PLCH1: variants seen among roughly 807,000 people sequenced by gnomAD.
PLCH1 encodes 1-phosphatidylinositol 4,5-bisphosphate phosphodiesterase eta-1.
In PLCH1, 60 loss-of-function variants were observed where a neutral mutation model predicts 126.7. The observed-to-expected ratio is 0.47, with a 90% confidence interval of 0.38 to 0.59. The LOEUF is 0.59. PLCH1 is among the 20% of genes least tolerant of loss of function. The pLI, the probability that PLCH1 is intolerant of heterozygous loss-of-function variation, is 0.00. For missense variants in PLCH1, 1,723 were observed against 2,040.0 expected (o/e 0.84, Z 2.99); for synonymous variants, 719 against 734.9 (o/e 0.98, Z 0.35).
intron 10 of PLCH1, among the ~76,000 whole-genome samples, chr3:155,547,551 A>G (rs1725522497): frequency 1.3e-5 from 2 of 151,884 alleles, no homozygotes; most frequent in Admixed American, 1.3e-4. Flanking sequence ...TATATACCCA[A>G]ACGACTATAA....
At chr3:155,723,061 G>A (rs534224028) in intron 1 of PLCH1, among the ~76,000 whole-genome samples, 1 of 151,480 alleles carries the variant, frequency 6.6e-6, no homozygotes, top group African/African-American at 2.4e-5. Context: ...GGATTGTATA[G>A]TTCCAGGAAT....
At chr3:155,658,453 G>C (rs1741700888) in intron 2 of PLCH1, 1 of 159,842 alleles carries the variant, frequency 6.3e-6, no homozygotes, top group South Asian at 1.8e-4. Flanking sequence ...CCAGACACGG[G>C]AAGGTGAGAT....
intron 2 of PLCH1, among the ~76,000 whole-genome samples, chr3:155,634,177 C>T (rs1228018849): frequency 6.6e-6 from 1 of 152,100 alleles, no homozygotes; most frequent in Non-Finnish European, 1.5e-5. Flanking sequence ...CTAATTTCTT[C>T]AAGTCAAAAC....
At chr3:155,577,335 T>A (rs918740758) in intron 6 of PLCH1, among the ~76,000 whole-genome samples, 1 of 152,192 alleles carries the variant, frequency 6.6e-6, no homozygotes, top group Non-Finnish European at 1.5e-5. Context: ...TTTATTGACT[T>A]TGTATGATTT....
chr3:155,470,684 G>A (rs904005172), intron 21 of PLCH1, among the ~76,000 whole-genome samples: 357 of 152,018 alleles, frequency 2.3e-3, no homozygotes, highest in African/African-American at 7.7e-3. Context: ...GAGAAAGGTC[G>A]GGTTACCCTC....
intron 2 of PLCH1, among the ~76,000 whole-genome samples, chr3:155,699,198 C>T (rs1746078051): frequency 6.6e-6 from 1 of 151,950 alleles, no homozygotes; most frequent in African/African-American, 2.4e-5. Context: ...GCCTCAGCCT[C>T]CCAAGTAGCT....
intron 1 of PLCH1, chr3:155,743,826 CT>C: frequency 9.2e-6 from 2 of 217,728 alleles, no homozygotes; most frequent in South Asian, 1.1e-4. Context: ...CAGATTTGTT[CT>C]TGTAACGCTC....
intron 2 of PLCH1, among the ~76,000 whole-genome samples, chr3:155,632,381 G>A (rs1416881147): frequency 1.3e-5 from 2 of 152,140 alleles, no homozygotes; most frequent in Non-Finnish European, 2.9e-5. Flanking sequence ...GAATTATTCA[G>A]GGAAACCAAA....
At chr3:155,605,009 C>A (rs1577119488) in intron 2 of PLCH1, among the ~76,000 whole-genome samples, 1 of 152,202 alleles carries the variant, frequency 6.6e-6, no homozygotes, top group South Asian at 2.1e-4. Flanking sequence ...CTGGATAAAA[C>A]GCAGGTCTAG....
At chr3:155,626,801 G>GAAAAAAAAAAAAAAAAAAA (rs1737355762) in intron 2 of PLCH1, among the ~76,000 whole-genome samples, 1 of 126,410 alleles carries the variant, frequency 7.9e-6, no homozygotes. Context: ...AAAAAAAAAG[G>GAAAAAAAAAAAAAAAAAAA]AAAAAGATGA....
intron 21 of PLCH1, among the ~76,000 whole-genome samples, chr3:155,451,157 G>C (rs577106064): frequency 2.0e-5 from 3 of 151,962 alleles, no homozygotes; most frequent in Non-Finnish European, 4.4e-5. Context: ...AAATAAATAA[G>C]AGAATTCAAA....
At position 155,481,336 on chromosome 3, in the gene PLCH1, G is replaced by A. The variant is rs374951144; in HGVS notation, c.4690C>T (p.Arg1564Trp). ...GATGACAACTTCCTGACCAGTGCCC[G>A]GGGGAGCTGATTGGCATCCTGCTTT... ...YSKQDANQLPRALVRKLSSRS... is the reference protein window; with the variant it reads ...YSKQDANQLPWALVRKLSSRS... The change falls in exon 23 of 23, where the codon CGG (arginine) becomes TGG (tryptophan). Residue 1564 changes from arginine to tryptophan, a missense_variant. Arg to Trp is a moderately radical substitution (Grantham distance 101). Transcript: ENST00000460012. This position sits in a 1 kb window ranked among gnomAD's most constrained non-coding sequence, Gnocchi z 4.2. The A allele has an allele frequency of 3.2e-5, 52 of 1,614,046 alleles. No individual in the cohort carries two copies. The highest frequency in any genetic ancestry group is 8.0e-5 in the African/African-American group (6 of 74,926).
chr3:155,588,929 T>A (rs984724029), intron 4 of PLCH1, among the ~76,000 whole-genome samples: 1 of 152,198 alleles, frequency 6.6e-6, no homozygotes, highest in Non-Finnish European at 1.5e-5. Flanking sequence ...TTCTTTCCAG[T>A]AACGGTCCAC....
Position 155,581,930 on chromosome 3 carries a change from G to A in PLCH1, c.771+1542C>T, listed in dbSNP as rs572818133. On this transcript the variant is annotated intron_variant, in intron 6 of 22. Coordinates refer to ENST00000460012, the MANE Select transcript of PLCH1 (RefSeq NM_014996.4). Reference sequence around the variant, plus strand: ...ACACCTGGCTAATTTTGTATTTTTAGTAGAGACCGGGTTTCTCCATGTTGG... The same window carrying A: ...ACACCTGGCTAATTTTGTATTTTTAATAGAGACCGGGTTTCTCCATGTTGG... 7.9e-5 allele frequency among the ~76,000 whole-genome samples: 12 copies of A among 151,444 alleles called. No individual in the cohort carries two copies. In the East Asian group the frequency reaches 2.3e-3, roughly 29 times the overall value.
chr3:155,719,160 C>T (rs1251559471), intron 1 of PLCH1, among the ~76,000 whole-genome samples: 3 of 152,176 alleles, frequency 2.0e-5, no homozygotes, highest in East Asian at 3.9e-4. Context: ...TTTTATCCCT[C>T]ACCCTCCTTC....
At chr3:155,565,192 G>A (rs1438948022) in intron 7 of PLCH1, 74 bp from the exon 8 acceptor site, 1 of 940,496 alleles carries the variant, frequency 1.1e-6, no homozygotes, top group East Asian at 2.5e-5. Flanking sequence ...GGGGCAAAAG[G>A]GGTCAAAAAA....
At position 155,740,180 on chromosome 3, in the gene PLCH1, G is replaced by A. The variant is rs892982407; in HGVS notation, c.-41+4660C>T. On this transcript the variant is annotated intron_variant, in intron 1 of 22. Coordinates refer to ENST00000460012, the MANE Select transcript of PLCH1 (RefSeq NM_014996.4). ...AATCCCAGCACTTTGGGAGGCCAAG[G>A]CAGGCGGATCATCTGAGGTCAGGAG... Among the ~76,000 whole-genome samples, 9 of 152,286 alleles carry A rather than the reference G, an allele frequency of 5.9e-5. No individual in the cohort carries two copies. In the East Asian group the frequency reaches 1.7e-3, roughly 29 times the overall value.
At chr3:155,468,705 C>CAT in intron 21 of PLCH1, among the ~76,000 whole-genome samples, 1 of 152,152 alleles carries the variant, frequency 6.6e-6, no homozygotes, top group African/African-American at 2.4e-5. Flanking sequence ...CAATTTTAAA[C>CAT]ATATATATAA....
At chr3:155,735,149 T>C (rs1384975493) in intron 1 of PLCH1, among the ~76,000 whole-genome samples, 1 of 151,960 alleles carries the variant, frequency 6.6e-6, no homozygotes, top group African/African-American at 2.4e-5. Context: ...ATATGTAAAA[T>C]CTAAAAAAGT....
Sources: allele counts gnomAD v4.1 joint callset (sites outside exome capture counted in the v4.1 genomes callset), GRCh38; gene constraint gnomAD v4.1.1; non-coding constraint Gnocchi (gnomAD v3.1); transcripts MANE v1.5; gene names NCBI Gene and HGNC (gene_info 2026-07-23, HGNC 2026-07-21).